The following ITPRID1 variants were observed in gnomAD, a reference collection of about 807,000 sequenced individuals.
The protein encoded by ITPRID1 is protein ITPRID1.
A neutral mutation model predicts 95.4 loss-of-function variants in ITPRID1; 96 were observed. The observed-to-expected ratio is 1.01, with a 90% CI of 0.85 to 1.19. The LOEUF (loss-of-function observed/expected upper bound fraction) is 1.19. Ranked by LOEUF, ITPRID1 falls within the 50% of genes most tolerant of loss-of-function variation. The pLI is 0.00. For missense variants in ITPRID1, 1,339 were observed against 1,252.9 expected (o/e 1.07, Z -1.04); for synonymous variants, 510 against 453.6 (o/e 1.12, Z -1.58).
chr7:31,652,483 G>T, intron 14 of ITPRID1, 35 bp from the exon 15 acceptor site: 1 of 1,547,272 alleles, frequency 6.5e-7, no homozygotes, highest in Non-Finnish European at 8.7e-7. Flanking sequence ...AATGTGATGT[G>T]CTGTTTACTC....
chr7:31,606,225 T>C (rs1317578849), intron 10 of ITPRID1, among the ~76,000 whole-genome samples: 1 of 152,188 alleles, frequency 6.6e-6, no homozygotes, highest in Non-Finnish European at 1.5e-5. Flanking sequence ...CTCTGTTAAC[T>C]ATGATGTGAA....
intron 8 of ITPRID1, among the ~76,000 whole-genome samples, chr7:31,577,169 T>C (rs1163507701): frequency 6.6e-6 from 1 of 152,246 alleles, no homozygotes; most frequent in Non-Finnish European, 1.5e-5. Flanking sequence ...CTTGCTCGTT[T>C]ATAATCATTA....
chr7:31,617,297 G>A (rs1459659529), intron 10 of ITPRID1, among the ~76,000 whole-genome samples: 1 of 151,720 alleles, frequency 6.6e-6, no homozygotes, highest in African/African-American at 2.4e-5. Flanking sequence ...ATATAAATGG[G>A]TTTCTCAACA....
chr7:31,616,888 GCTTA>G (rs1189993259), intron 10 of ITPRID1, among the ~76,000 whole-genome samples: 10 of 152,048 alleles, frequency 6.6e-5, no homozygotes, highest in African/African-American at 1.7e-4. Context: ...AACCTCTCTT[GCTTA>G]CTTTTTGCCT....
chr7:31,580,185 C>G (rs1785344836), intron 9 of ITPRID1, among the ~76,000 whole-genome samples: 1 of 151,200 alleles, frequency 6.6e-6, no homozygotes, highest in Admixed American at 6.6e-5. Flanking sequence ...GTAATCCCAG[C>G]TACTCGGGAG....
At chr7:31,612,941 T>C (rs1786943243) in intron 10 of ITPRID1, among the ~76,000 whole-genome samples, 1 of 152,184 alleles carries the variant, frequency 6.6e-6, no homozygotes, top group Admixed American at 6.5e-5. Flanking sequence ...CAGGCAGCTA[T>C]AATATTAAAC....
At chr7:31,536,834 G>T (rs543336665) in intron 1 of ITPRID1, among the ~76,000 whole-genome samples, 22 of 152,172 alleles carry the variant, frequency 1.4e-4, no homozygotes, top group African/African-American at 4.1e-4. Flanking sequence ...TCTTAAGCAG[G>T]CCTCATTCAC....
chr7:31,614,035 A>C (rs556648532), intron 10 of ITPRID1, among the ~76,000 whole-genome samples: 1 of 152,336 alleles, frequency 6.6e-6, no homozygotes, highest in East Asian at 1.9e-4. Context: ...TGCCATGAAC[A>C]ACCAGCTGGT....
chr7:31,616,572 A>AT (rs1343200668), intron 10 of ITPRID1, among the ~76,000 whole-genome samples: 4 of 151,984 alleles, frequency 2.6e-5, no homozygotes, highest in Non-Finnish European at 5.9e-5. Flanking sequence ...GACAAAGTCC[A>AT]TTTTTTTCAT....
At position 31,642,907 on chromosome 7, in the gene ITPRID1, G is replaced by T; in HGVS notation, c.1537G>T (p.Gly513Trp). The T allele has an allele frequency of 6.2e-7, 1 of 1,614,010 alleles. No individual in the cohort carries two copies. The highest frequency in any genetic ancestry group is 2.2e-5 in the East Asian group (1 of 44,880). ...EEEFLLEAME[G>W]PPELYIPDMA... ...AGAGTTTCTGCTTGAGGCCATGGAG[G>T]GGCCACCAGAGCTGTATATCCCAGA... The change falls in exon 12 of 15, where the codon GGG becomes TGG. Residue 513 changes from glycine to tryptophan, a missense_variant. Coordinates refer to ENST00000615280, the MANE Select transcript of ITPRID1 (RefSeq NM_001257967.3).
intron 10 of ITPRID1, among the ~76,000 whole-genome samples, chr7:31,625,544 T>G (rs1232678803): frequency 2.6e-5 from 4 of 152,162 alleles, no homozygotes; most frequent in Admixed American, 2.0e-4. Flanking sequence ...ACACCACATA[T>G]TCTCACTCAT....
intron 6 of ITPRID1, 65 bp downstream of exon 6, chr7:31,569,874 T>A (rs1784925527): frequency 7.2e-7 from 1 of 1,381,670 alleles, no homozygotes; most frequent in Admixed American, 2.3e-5. Flanking sequence ...CTGAATAAAA[T>A]AGAAGTAGGG....
At chr7:31,554,922 A>ATGCTT in intron 5 of ITPRID1, 21 bp downstream of exon 5, 1 of 1,554,822 alleles carries the variant, frequency 6.4e-7, no homozygotes. Context: ...AGAAGCAGTT[A>ATGCTT]TGCTTTGGGA....
chr7:31,527,812 T>C (rs1354237065), intron 1 of ITPRID1, among the ~76,000 whole-genome samples: 5 of 152,214 alleles, frequency 3.3e-5, no homozygotes, highest in African/African-American at 7.2e-5. Flanking sequence ...TTATTTGTCT[T>C]CTTTCTTAGA....
chr7:31,577,921 G>A lies in ITPRID1; in HGVS notation c.657G>A (p.Leu219=), dbSNP rs768474435. Residue 219 remains leucine (L), a synonymous_variant, in exon 9 of 15, where the codon CTG becomes CTA. Transcript: ENST00000615280. The part of the protein sequence containing the change: ...DHVTNAFSSL[L]SDVSILPNRA... ...TGACCAATGCCTTCTCATCTCTGCT[G>A]AGTGATGTCAGCATCCTGCCAAACA... The A allele has an allele frequency of 1.2e-6, 2 of 1,613,632 alleles. No homozygotes were observed. The highest frequency in any genetic ancestry group is 1.7e-6 in the Non-Finnish European group (2 of 1,179,722).
chr7:31,645,918 C>T (rs1029235070), intron 12 of ITPRID1, among the ~76,000 whole-genome samples: 4 of 151,920 alleles, frequency 2.6e-5, no homozygotes, highest in South Asian at 2.1e-4. Flanking sequence ...AACATTTACC[C>T]GATCACGTAG....
intron 5 of ITPRID1, among the ~76,000 whole-genome samples, chr7:31,556,830 C>T (rs1784463308): frequency 1.3e-5 from 2 of 151,970 alleles, no homozygotes; most frequent in African/African-American, 4.8e-5. Flanking sequence ...TTTTAAGCAC[C>T]AAGTTCTGTT....
At chr7:31,600,229 G>T (rs1317005323) in intron 10 of ITPRID1, among the ~76,000 whole-genome samples, 1 of 152,160 alleles carries the variant, frequency 6.6e-6, no homozygotes, top group African/African-American at 2.4e-5. Flanking sequence ...ATAAGCTAAT[G>T]TTGGCAAGGA....
intron 10 of ITPRID1, among the ~76,000 whole-genome samples, chr7:31,600,751 T>G (rs967822207): frequency 1.3e-5 from 2 of 152,130 alleles, no homozygotes; most frequent in Non-Finnish European, 2.9e-5. Flanking sequence ...CCTTTTCTGG[T>G]GGAGTGTACC....
Sources: gnomAD v4.1 joint callset for allele counts (sites outside exome capture counted in the v4.1 genomes callset) on GRCh38, gnomAD v4.1.1 for gene constraint, MANE v1.5 for transcripts, NCBI Gene and HGNC (gene_info 2026-07-23, HGNC 2026-07-21) for gene names.